The following APLF variants were observed in gnomAD, a reference collection of about 807,000 sequenced individuals.
The protein encoded by APLF is aprataxin and PNK-like factor.
Under a neutral mutation model 55.6 loss-of-function variants are expected in APLF, and 61 were observed. The observed-to-expected ratio is 1.10, with a 90% CI of 0.89 to 1.36. APLF has a LOEUF of 1.36. Among genes scored for constraint, APLF ranks in the 40% most tolerant of loss-of-function variants. APLF has a pLI of 0.00. For missense variants in APLF, 611 were observed against 602.5 expected (o/e 1.01, Z -0.15); for synonymous variants, 207 against 214.8 (o/e 0.96, Z 0.32).
chr2:68,559,659 A>G (rs771541844), intron 8 of APLF, among the ~76,000 whole-genome samples: 1 of 152,108 alleles, frequency 6.6e-6, no homozygotes, highest in Non-Finnish European at 1.5e-5. Flanking sequence ...CCTTTAAAAT[A>G]TATTAGGAAC....
chr2:68,530,892 A>G (rs1670235144), intron 6 of APLF, among the ~76,000 whole-genome samples: 1 of 152,200 alleles, frequency 6.6e-6, no homozygotes, highest in Non-Finnish European at 1.5e-5. Flanking sequence ...AAAAATTTTC[A>G]GACTGGAAAA....
chr2:68,527,947 C>T (rs780423992), intron 6 of APLF, among the ~76,000 whole-genome samples: 18 of 150,506 alleles, frequency 1.2e-4, no homozygotes, highest in Admixed American at 2.6e-4. Context: ...GGGCAGGGCC[C>T]GGGCAGAGGC....
chr2:68,483,550 C>T (rs936512188), intron 1 of APLF, among the ~76,000 whole-genome samples: 2 of 152,134 alleles, frequency 1.3e-5, no homozygotes, highest in Admixed American at 6.5e-5. Flanking sequence ...GGGGCAAAGG[C>T]ACGCATTGGG....
At chr2:68,521,860 A>G (rs996718987) in intron 5 of APLF, among the ~76,000 whole-genome samples, 5 of 151,998 alleles carry the variant, frequency 3.3e-5, no homozygotes, top group Non-Finnish European at 5.9e-5. Context: ...CAGATTATAA[A>G]TATTGAGCAT....
At position 68,502,860 on chromosome 2, in the gene APLF, A is replaced by G. The variant is rs11902811; in HGVS notation, c.298A>G (p.Ile100Val). ...SLLVDKYIFR[I>V]LSIPSEVEMQ... ...GTTAGTTGACAAATACATTTTCCGCATTCTCTCTATACCCTCTGAAGTGGA... is the reference window on the plus strand; with the variant it reads ...GTTAGTTGACAAATACATTTTCCGCGTTCTCTCTATACCCTCTGAAGTGGA... The change falls in exon 3 of 10, where the codon ATT (isoleucine) becomes GTT (valine). Residue 100 changes from isoleucine (I) to valine (V), a missense_variant. By Grantham distance (29) the Ile-to-Val change is conservative (BLOSUM62 3). Coordinates refer to ENST00000303795, the MANE Select transcript of APLF (RefSeq NM_173545.3). 0.065 allele frequency: 104,883 copies of G among 1,605,816 alleles called. 9,287 individuals carry two copies. The highest frequency in any genetic ancestry group is 0.44 in the African/African-American group (32,643 of 74,132).
At position 68,467,721 on chromosome 2, in the gene APLF, C is replaced by T. The variant is rs1208190373; in HGVS notation, c.-11C>T. 3 of 1,234,770 alleles carry T rather than the reference C, an allele frequency of 2.4e-6. No individual in the cohort carries two copies. The highest frequency in any genetic ancestry group is 3.0e-6 in the Non-Finnish European group (3 of 987,942). The allele number at this position is 1,234,770 out of a possible 1,614,324, so 76.5% of individuals were successfully genotyped here. On this transcript the variant is annotated 5_prime_UTR_variant, in exon 1 of 10. Transcript: ENST00000303795. Reference sequence around the variant, plus strand: ...CAGTCTCCTGGCGAAGGGGCCTAATCCTTGCCCGCCATGTCCGGGGGCTTC... The same window carrying T: ...CAGTCTCCTGGCGAAGGGGCCTAATTCTTGCCCGCCATGTCCGGGGGCTTC...
chr2:68,518,130 T>G (rs1669697991), intron 5 of APLF, among the ~76,000 whole-genome samples: 1 of 128,538 alleles, frequency 7.8e-6, no homozygotes, highest in Admixed American at 8.9e-5. Flanking sequence ...TATTAATATA[T>G]ATTAATATAT....
chr2:68,569,899 TG>T (rs1671405395), intron 9 of APLF, among the ~76,000 whole-genome samples: 1 of 152,148 alleles, frequency 6.6e-6, no homozygotes, highest in Non-Finnish European at 1.5e-5. Flanking sequence ...TAGGGTGAAC[TG>T]GGGAGTTTTG....
At chr2:68,515,291 TAA>T (rs1491418531) in intron 5 of APLF, among the ~76,000 whole-genome samples, 1 of 106,076 alleles carries the variant, frequency 9.4e-6, no homozygotes, top group Non-Finnish European at 1.9e-5. Flanking sequence ...ACTTCATGTG[TAA>T]TATATATATA....
At chr2:68,467,967 T>C (rs1675485324) in intron 1 of APLF, 140 bp downstream of exon 1, 1 of 533,836 alleles carries the variant, frequency 1.9e-6, no homozygotes, top group African/African-American at 2.0e-5. Context: ...GGCCGCACGT[T>C]TTTCAGTTAC....
intron 6 of APLF, among the ~76,000 whole-genome samples, chr2:68,532,473 AAG>A (rs1670285806): frequency 6.6e-6 from 1 of 152,124 alleles, no homozygotes; most frequent in Non-Finnish European, 1.5e-5. Context: ...CTTCAAAATT[AAG>A]AGCTACTGTT....
At chr2:68,557,721 G>T (rs1671054386) in intron 8 of APLF, among the ~76,000 whole-genome samples, 1 of 152,126 alleles carries the variant, frequency 6.6e-6, no homozygotes, top group African/African-American at 2.4e-5. Context: ...AGACCAGCCT[G>T]TCCAACATGG....
rs1403429009 is a variant in APLF, at chr2:68,478,001, C to CT, written c.96+10177dup. The stretch of plus-strand genomic sequence containing the variant: ...CACAGCCAAACTATACTATATCACT[C>CT]TTTAAAAAAAAAAAAGGTGATGTCT... On this transcript the variant is annotated intron_variant, in intron 1 of 9. Coordinates refer to ENST00000303795, the MANE Select transcript of APLF (RefSeq NM_173545.3). Among the ~76,000 whole-genome samples, 5 of 149,808 alleles carry CT rather than the reference C, an allele frequency of 3.3e-5. No individual in the cohort carries two copies. In the East Asian group the frequency reaches 7.8e-4, roughly 23 times the overall value.
chr2:68,577,471 G>C (rs1671655870), intron 9 of APLF, among the ~76,000 whole-genome samples: 1 of 152,134 alleles, frequency 6.6e-6, no homozygotes, highest in Non-Finnish European at 1.5e-5. Context: ...AGCAATCACT[G>C]AGAAGTGAGG....
chr2:68,546,193 T>G (rs1002876707), intron 8 of APLF, among the ~76,000 whole-genome samples: 3 of 152,104 alleles, frequency 2.0e-5, no homozygotes, highest in Admixed American at 6.6e-5. Context: ...TTGGAGAAAT[T>G]AACAAATTCC....
intron 1 of APLF, among the ~76,000 whole-genome samples, chr2:68,486,947 C>T (rs1256239823): frequency 6.6e-6 from 1 of 152,104 alleles, no homozygotes; most frequent in Non-Finnish European, 1.5e-5. Context: ...CCCTAAATGG[C>T]CTCTAACCAG....
chr2:68,566,596 G>A (rs1421392063), intron 8 of APLF, among the ~76,000 whole-genome samples: 1 of 152,066 alleles, frequency 6.6e-6, no homozygotes, highest in Non-Finnish European at 1.5e-5. Flanking sequence ...GTGTACCCCA[G>A]CTGTGCTTTG....
intron 2 of APLF, among the ~76,000 whole-genome samples, chr2:68,491,495 A>G (rs997581817): frequency 6.6e-6 from 1 of 152,240 alleles, no homozygotes; most frequent in Non-Finnish European, 1.5e-5. Context: ...GATTTTTACA[A>G]AAGTATGTTA....
intron 6 of APLF, among the ~76,000 whole-genome samples, chr2:68,536,104 C>G (rs746591267): frequency 2.6e-5 from 4 of 152,116 alleles, no homozygotes; most frequent in Admixed American, 1.3e-4. Flanking sequence ...AATTCTCACT[C>G]GAGAGTTCCA....
Sources: allele counts gnomAD v4.1 joint callset (sites outside exome capture counted in the v4.1 genomes callset), GRCh38; gene constraint gnomAD v4.1.1; transcripts MANE v1.5; gene names NCBI Gene and HGNC (gene_info 2026-07-23, HGNC 2026-07-21).